Variants in KLK9 observed in about 807,000 individuals in gnomAD.
The protein encoded by KLK9 is kallikrein-9.
Under a neutral mutation model 23.3 loss-of-function variants are expected in KLK9, and 26 were observed. That is an observed-to-expected ratio of 1.12 (90% CI 0.82 to 1.55). The LOEUF is 1.55. Among genes scored for constraint, KLK9 ranks in the 40% most tolerant of loss-of-function variants. KLK9 has a pLI of 0.00. For missense variants in KLK9, 346 were observed against 333.7 expected (o/e 1.04, Z -0.29); for synonymous variants, 122 against 128.5 (o/e 0.95, Z 0.34).
At position 51,003,739 on chromosome 19, in the gene KLK9, C is replaced by T. The variant is rs933866307; in HGVS notation, c.568G>A (p.Ala190Thr). 1.5e-5 allele frequency: 25 copies of T among 1,613,216 alleles called. No homozygotes were observed. The highest frequency in any genetic ancestry group is 2.1e-5 in the Non-Finnish European group (25 of 1,179,290). ...CCTCGGCCCCCCTCCCACAGGCCCG[C>T]ACAGAGCATGCTGTCCGAGATGTGT... is the stretch of plus-strand genomic sequence containing the variant. Reference protein sequence around the residue: ...PGHISDSMLCAGLWEGGRGSC... With the variant: ...PGHISDSMLCTGLWEGGRGSC... Residue 190 changes from alanine to threonine, a missense_variant, in exon 4 of 5, where the codon GCG becomes ACG. Transcript: ENST00000594211.
At chr19:51,004,811 CAG>C (rs2091249690) in intron 3 of KLK9, among the ~76,000 whole-genome samples, 1 of 151,794 alleles carries the variant, frequency 6.6e-6, no homozygotes, top group Admixed American at 6.6e-5. Context: ...CTGATGGAGA[CAG>C]AGACATAGAC....
At position 51,006,443 on chromosome 19, in the gene KLK9, T is replaced by C; in HGVS notation, c.466+15A>G. On this transcript the variant is annotated intron_variant, in intron 3 of 4. Transcript: ENST00000594211. The surrounding 1 kb of genome is among the most constrained non-coding windows in gnomAD (Gnocchi z 4.1). ...AGGGAGCAAGTTTCAGAGAGAGTTC[T>C]GGGCCAGGTCATACCCTTGGGGCTG... 6.3e-7 allele frequency: 1 copy of C among 1,591,748 alleles called. No individual in the cohort carries two copies. The highest frequency in any genetic ancestry group is 8.6e-7 in the Non-Finnish European group (1 of 1,167,196).
chr19:51,006,504 G>C lies in KLK9; in HGVS notation c.420C>G (p.Gly140=), dbSNP rs774564465. 3.1e-6 allele frequency: 5 copies of C among 1,613,230 alleles called. No homozygotes were observed. The highest frequency in any genetic ancestry group is 4.2e-6 in the Non-Finnish European group (5 of 1,179,444). Reference sequence around the variant, plus strand: ...CCCAGCCTGAGATGAGACACTGCATGCCTGGGGAGACACAGGTCTGGCTGA... The same window carrying C: ...CCCAGCCTGAGATGAGACACTGCATCCCTGGGGAGACACAGGTCTGGCTGA... ...LNLSQTCVSP[G]MQCLISGWGA... The change falls in exon 3 of 5, where the codon GGC becomes GGG. Residue 140 remains glycine, a synonymous_variant. Transcript: ENST00000594211. The surrounding 1 kb of genome is among the most constrained non-coding windows in gnomAD (Gnocchi z 4.1).
At chr19:51,004,338 C>CAAAAAAAAAAAAAA (rs71333922) in intron 3 of KLK9, among the ~76,000 whole-genome samples, 4 of 32,564 alleles carry the variant, frequency 1.2e-4, no homozygotes, top group Non-Finnish European at 1.7e-4. Flanking sequence ...GACTCCGTCT[C>CAAAAAAAAAAAAAA]AAAAAAAAAA....
At position 51,003,065 on chromosome 19, in the gene KLK9, C is replaced by G; in HGVS notation, c.*46G>C. ...CTACGAGAACCCCCTACCCCGTGCC[C>G]TTCGGCCTCTCTTGGTCTTCCAAGG... is the stretch of plus-strand genomic sequence containing the variant. On this transcript the variant is annotated 3_prime_UTR_variant, in exon 5 of 5. Transcript: ENST00000594211. 6.3e-7 allele frequency: 1 copy of G among 1,575,752 alleles called. No individual in the cohort carries two copies.
chr19:51,003,129 T>G lies in KLK9; in HGVS notation c.735A>C (p.Gln245His), dbSNP rs2091240780. The G allele has an allele frequency of 6.2e-7, 1 of 1,609,730 alleles. No individual in the cohort carries two copies. The highest frequency in any genetic ancestry group is 1.3e-5 in the African/African-American group (1 of 74,828). ...TSVCHYLDWI[Q>H]EIMEN ...CGCGGGCTCAGTTCTCCATGATTTC[T>G]TGGATCCAGTCAAGGTAGTGGCATA... The change falls in exon 5 of 5, where the codon CAA (glutamine) becomes CAC (histidine). Residue 245 changes from glutamine (Q) to histidine (H), a missense_variant. Physicochemically the swap from Gln to His is conservative, Grantham distance 24. Coordinates refer to ENST00000594211, the MANE Select transcript of KLK9 (RefSeq NM_012315.2).
chr19:51,005,864 G>A (rs1279071320), intron 3 of KLK9, among the ~76,000 whole-genome samples: 2 of 151,306 alleles, frequency 1.3e-5, no homozygotes, highest in African/African-American at 4.8e-5. Context: ...AGATCACCAG[G>A]TCAGGAATTT....
Position 51,006,545 on chromosome 19 carries a change from C to T in KLK9, c.379G>A (p.Val127Met), listed in dbSNP as rs2091256307. Residue 127 changes from valine to methionine, a missense_variant, in exon 3 of 5, where the codon GTG becomes ATG. Coordinates refer to ENST00000594211, the MANE Select transcript of KLK9 (RefSeq NM_012315.2). The surrounding 1 kb of genome is among the most constrained non-coding windows in gnomAD (Gnocchi z 4.1). Reference sequence around the variant, plus strand: ...GTCTGGCTGAGGTTGAGGGGCTGCACAGCAGGACTCAGACGTGCCTGCCTG... The same window carrying T: ...GTCTGGCTGAGGTTGAGGGGCTGCATAGCAGGACTCAGACGTGCCTGCCTG... ...LPRQARLSPA[V>M]QPLNLSQTCV... The T allele has an allele frequency of 2.5e-5, 40 of 1,613,136 alleles. No individual in the cohort carries two copies. Among genetic ancestry groups the T allele is most frequent in the Non-Finnish European group, 3.3e-5 (39 of 1,179,462 alleles).
chr19:51,002,903 C>T lies in KLK9; in HGVS notation c.*208G>A, dbSNP rs2091238936. On this transcript the variant is annotated 3_prime_UTR_variant, in exon 5 of 5. Coordinates refer to ENST00000594211, the MANE Select transcript of KLK9 (RefSeq NM_012315.2). ...GAGACGGGCTCTGAAGGGCGTGTCC[C>T]TGCTCCGTTCCGAGGGGGCGCGACT... 3.5e-6 allele frequency: 2 copies of T among 577,002 alleles called. No individual in the cohort carries two copies. Among genetic ancestry groups the T allele is most frequent in the African/African-American group, 3.8e-5 (2 of 53,122 alleles). 35.7% of individuals were successfully genotyped at this position (577,002 alleles called of 1,614,324 possible).
chr19:51,003,052 C>T lies in KLK9; in HGVS notation c.*59G>A. ...TGAGGCTGGGACCCTACGAGAACCC[C>T]CTACCCCGTGCCCTTCGGCCTCTCT... On this transcript the variant is annotated 3_prime_UTR_variant, in exon 5 of 5. Coordinates refer to ENST00000594211, the MANE Select transcript of KLK9 (RefSeq NM_012315.2). The T allele has an allele frequency of 6.4e-7, 1 of 1,557,492 alleles. No individual in the cohort carries two copies. The highest frequency in any genetic ancestry group is 8.7e-7 in the Non-Finnish European group (1 of 1,149,604).
chr19:51,009,230 G>T lies in KLK9; in HGVS notation c.153C>A (p.Thr51=). 6.2e-7 allele frequency: 1 copy of T among 1,610,490 alleles called. No homozygotes were observed. The highest frequency in any genetic ancestry group is 1.1e-5 in the South Asian group (1 of 90,354). The change falls in exon 2 of 5, where the codon ACC becomes ACA. Residue 51 remains threonine, a synonymous_variant. Transcript: ENST00000594211. This position sits in a 1 kb window ranked among gnomAD's most constrained non-coding sequence, Gnocchi z 4.8. Reference sequence around the variant, plus strand: ...TGAGCAGCCAGCGGTCACTGATGAGGGTCGCCCCACAGAAGAGCCGAGTAA... The same window carrying T: ...TGAGCAGCCAGCGGTCACTGATGAGTGTCGCCCCACAGAAGAGCCGAGTAA... ...FHLTRLFCGA[T]LISDRWLLTA... is the part of the protein sequence containing the mutation.
At chr19:51,008,313 G>A (rs1309568142) in intron 2 of KLK9, among the ~76,000 whole-genome samples, 3 of 132,784 alleles carry the variant, frequency 2.3e-5, no homozygotes, top group Non-Finnish European at 3.1e-5. Context: ...ACTCCAGCCT[G>A]GGAGATAGAG....
At position 51,009,050 on chromosome 19, in the gene KLK9, C is replaced by T. The variant is rs1312997399; in HGVS notation, c.200+133G>A. Reference sequence around the variant, plus strand: ...AGAATTTTAGGATTTGGGAGGCTACCCTTCCTACTTCTAAGAGTTGAACTT... The same window carrying T: ...AGAATTTTAGGATTTGGGAGGCTACTCTTCCTACTTCTAAGAGTTGAACTT... On this transcript the variant is annotated intron_variant, in intron 2 of 4. Transcript: ENST00000594211. This position sits in a 1 kb window ranked among gnomAD's most constrained non-coding sequence, Gnocchi z 4.8. 17 of 1,016,142 alleles carry T rather than the reference C, an allele frequency of 1.7e-5. No homozygotes were observed. 62.9% of individuals were successfully genotyped at this position (1,016,142 alleles called of 1,614,324 possible).
chr19:51,009,061 C>T lies in KLK9; in HGVS notation c.200+122G>A. On this transcript the variant is annotated intron_variant, in intron 2 of 4. Transcript: ENST00000594211. The surrounding 1 kb of genome is among the most constrained non-coding windows in gnomAD (Gnocchi z 4.8). Reference sequence around the variant, plus strand: ...ATTTGGGAGGCTACCCTTCCTACTTCTAAGAGTTGAACTTGTGGTATCAGA... The same window carrying T: ...ATTTGGGAGGCTACCCTTCCTACTTTTAAGAGTTGAACTTGTGGTATCAGA... 8.8e-7 allele frequency: 1 copy of T among 1,137,618 alleles called. No homozygotes were observed. The highest frequency in any genetic ancestry group is 2.7e-5 in the East Asian group (1 of 36,730). 70.5% of individuals were successfully genotyped at this position (1,137,618 alleles called of 1,614,324 possible).
At position 51,006,364 on chromosome 19, in the gene KLK9, G is replaced by A. The variant is rs2122362291; in HGVS notation, c.466+94C>T. ...GCAGATAGATAGACTGACAGAGAGA[G>A]AGAGGAGAGAGAAAAGGAGAAGACA... On this transcript the variant is annotated intron_variant, in intron 3 of 4. Transcript: ENST00000594211. The surrounding 1 kb of genome is among the most constrained non-coding windows in gnomAD (Gnocchi z 4.1). 4 of 1,193,072 alleles carry A rather than the reference G, an allele frequency of 3.4e-6. No individual in the cohort carries two copies. Among genetic ancestry groups the A allele is most frequent in the Non-Finnish European group, 4.6e-6 (4 of 867,212 alleles). 73.9% of individuals were successfully genotyped at this position (1,193,072 alleles called of 1,614,324 possible).
chr19:51,006,339 G>A lies in KLK9; in HGVS notation c.466+119C>T, dbSNP rs78981292. ...TATATTTGGTTAAATATATCGATTG[G>A]CAGATAGATAGACTGACAGAGAGAG... On this transcript the variant is annotated intron_variant, in intron 3 of 4. Transcript: ENST00000594211. The surrounding 1 kb of genome is among the most constrained non-coding windows in gnomAD (Gnocchi z 4.1). The A allele has an allele frequency of 4.0e-3, 3,923 of 991,214 alleles. 114 individuals carry two copies. The African/African-American group carries it at 0.053, about 13-fold the overall frequency. 61.4% of individuals were successfully genotyped at this position (991,214 alleles called of 1,614,324 possible).
chr19:51,009,109 C>A lies in KLK9; in HGVS notation c.200+74G>T. ...AGAAGTGGAGGCTCCGCACTTCTGG[C>A]CTAAAGCACCCCTCACCCTCTCCTG... On this transcript the variant is annotated intron_variant, in intron 2 of 4. Transcript: ENST00000594211. The surrounding 1 kb of genome is among the most constrained non-coding windows in gnomAD (Gnocchi z 4.8). 1 of 1,513,534 alleles carries A rather than the reference C, an allele frequency of 6.6e-7. No homozygotes were observed. Among genetic ancestry groups the A allele is most frequent in the Non-Finnish European group, 8.8e-7 (1 of 1,131,446 alleles). The allele number at this position is 1,513,534 out of a possible 1,614,324, so 93.8% of individuals were successfully genotyped here.
chr19:51,005,843 C>G (rs1420048771), intron 3 of KLK9, among the ~76,000 whole-genome samples: 1 of 151,198 alleles, frequency 6.6e-6, no homozygotes, highest in Admixed American at 6.6e-5. Context: ...CTTTGGGAGT[C>G]CAAGGCGGGC....
Position 51,003,168 on chromosome 19 carries a change from T to A in KLK9, c.696A>T (p.Ala232=), listed in dbSNP as rs1027581653. The A allele has an allele frequency of 6.3e-7, 1 of 1,585,720 alleles. No individual in the cohort carries two copies. Among genetic ancestry groups the A allele is most frequent in the South Asian group, 1.1e-5 (1 of 87,872 alleles). Residue 232 remains alanine (A), a synonymous_variant, in exon 5 of 5, where the codon GCA becomes GCT. Coordinates refer to ENST00000594211, the MANE Select transcript of KLK9 (RefSeq NM_012315.2). ...AEPCSRPRRP[A]VYTSVCHYLD... is the part of the protein sequence containing the mutation. ...GGTAGTGGCATACGCTGGTGTAGACTGCGGGGCGCCGGGGTCTGGAGCAGG... is the reference window on the plus strand; with the variant it reads ...GGTAGTGGCATACGCTGGTGTAGACAGCGGGGCGCCGGGGTCTGGAGCAGG...
Sources: gnomAD v4.1 joint callset for allele counts (sites outside exome capture counted in the v4.1 genomes callset) on GRCh38, gnomAD v4.1.1 for gene constraint, Gnocchi (gnomAD v3.1) non-coding constraint, MANE v1.5 for transcripts, NCBI Gene and HGNC (gene_info 2026-07-23, HGNC 2026-07-21) for gene names.